The following LARGE1 variants were observed in gnomAD, a reference collection of about 807,000 sequenced individuals.
The protein encoded by LARGE1 is LARGE xylosyl- and glucuronyltransferase 1.
A neutral mutation model predicts 87.6 loss-of-function variants in LARGE1; 43 were observed. The observed-to-expected ratio is 0.49, with a 90% CI of 0.38 to 0.63. The LOEUF (loss-of-function observed/expected upper bound fraction) is 0.63. Ranked by LOEUF, LARGE1 falls within the 30% of genes least tolerant of loss-of-function variation. The pLI is 0.00. For synonymous variants in LARGE1, 434 were observed against 394.6 expected (o/e 1.10, Z -1.18); for missense variants, 802 against 1,000.2 (o/e 0.80, Z 2.67).
At chr22:33,276,840 T>C (rs1405787012) in intron 14 of LARGE1, among the ~76,000 whole-genome samples, 1 of 152,164 alleles carries the variant, frequency 6.6e-6, no homozygotes, top group Non-Finnish European at 1.5e-5. Context: ...GAAACTCACA[T>C]TTACCTGGGT....
chr22:33,098,615 C>T, the LARGE1 span, among the ~76,000 whole-genome samples: 2 of 151,960 alleles, frequency 1.3e-5, no homozygotes, highest in Admixed American at 6.6e-5. Context: ...AGCAAGACTC[C>T]GTCTCAAAAA....
intron 1 of LARGE1, among the ~76,000 whole-genome samples, chr22:33,905,310 C>T (rs1034244349): frequency 6.6e-6 from 1 of 151,900 alleles, no homozygotes; most frequent in East Asian, 1.9e-4. Context: ...CTCAAGCGAT[C>T]CTCCCACCTT....
intron 9 of LARGE1, among the ~76,000 whole-genome samples, chr22:33,367,940 T>TA (rs1382531931): frequency 6.6e-6 from 1 of 152,238 alleles, no homozygotes; most frequent in East Asian, 1.9e-4. Context: ...ATGAGTAATG[T>TA]AAAAGTATGT....
At chr22:33,096,636 C>G in the LARGE1 span, among the ~76,000 whole-genome samples, 1 of 149,822 alleles carries the variant, frequency 6.7e-6, no homozygotes, top group African/African-American at 2.5e-5. Flanking sequence ...GCGATCTCGG[C>G]TCACTGCAAG....
chr22:33,502,775 G>A (rs112814212), intron 6 of LARGE1, among the ~76,000 whole-genome samples: 3,767 of 152,142 alleles, frequency 0.025, 143 homozygotes, highest in African/African-American at 0.085. Context: ...CACCACGTTG[G>A]CCAGGATGGT....
chr22:33,542,162 C>CAAAAAAAA (rs150998193), intron 6 of LARGE1, among the ~76,000 whole-genome samples: 2 of 92,678 alleles, frequency 2.2e-5, no homozygotes, highest in Non-Finnish European at 4.1e-5. Flanking sequence ...AACTCTGTCT[C>CAAAAAAAA]AAAAAAAAAA....
intron 2 of LARGE1, among the ~76,000 whole-genome samples, chr22:33,676,372 CAAAAAAAAAA>C (rs10567981): frequency 6.1e-5 from 1 of 16,304 alleles, no homozygotes; most frequent in Non-Finnish European, 1.4e-4. Flanking sequence ...GATTCAATGG[CAAAAAAAAAA>C]AAAAAAAAAA....
intron 6 of LARGE1, among the ~76,000 whole-genome samples, chr22:33,545,530 C>T (rs964796483): frequency 7.2e-5 from 11 of 152,280 alleles, no homozygotes; most frequent in African/African-American, 2.6e-4. Context: ...CAACCTCCAC[C>T]TCCTGGGTTC....
intron 11 of LARGE1, among the ~76,000 whole-genome samples, chr22:33,182,390 T>TTG (rs1293032089): frequency 1.3e-5 from 2 of 152,160 alleles, no homozygotes; most frequent in Non-Finnish European, 2.9e-5. Context: ...CCCTTTCATA[T>TTG]TGTGTGTGTG....
rs576521900 is a variant in LARGE1 at position 33,594,903 on chromosome 22, C to T, written c.615+9532G>A. On this transcript the variant is annotated intron_variant, in intron 5 of 14. Coordinates refer to ENST00000397394, the MANE Select transcript of LARGE1 (RefSeq NM_133642.5). The stretch of plus-strand genomic sequence containing the variant: ...ATTACAGGCTTGAGCCACCATACCC[C>T]GCTGAAGTTGTTTCTTAACAGAAGT... 7.7e-4 allele frequency among the ~76,000 whole-genome samples: 117 copies of T among 152,244 alleles called. 1 individual carries two copies. Among genetic ancestry groups the T allele is most frequent in the African/African-American group, 2.6e-3 (110 of 41,554 alleles).
intron 7 of LARGE1, among the ~76,000 whole-genome samples, chr22:33,390,563 G>A (rs140726145): frequency 9.9e-5 from 15 of 152,220 alleles, no homozygotes; most frequent in Non-Finnish European, 2.2e-4. Context: ...TGTCACACGT[G>A]TGCTCGGCTG....
chr22:33,106,738 C>T, the LARGE1 span, among the ~76,000 whole-genome samples: 2 of 152,162 alleles, frequency 1.3e-5, no homozygotes. Context: ...TCAGGTGATC[C>T]ACCCACCTCA....
intron 2 of LARGE1, among the ~76,000 whole-genome samples, chr22:33,675,892 C>T (rs1159543821): frequency 6.9e-6 from 1 of 145,368 alleles, no homozygotes; most frequent in African/African-American, 2.9e-5. Context: ...AAATAATTGG[C>T]CCAAGGTCAT....
At chr22:33,296,398 T>A (rs1933261767) in intron 12 of LARGE1, among the ~76,000 whole-genome samples, 1 of 152,122 alleles carries the variant, frequency 6.6e-6, no homozygotes, top group African/African-American at 2.4e-5. Context: ...ATTAAAATAG[T>A]TCCCTGGTGT....
At chr22:33,846,063 C>T (rs987194312) in intron 1 of LARGE1, among the ~76,000 whole-genome samples, 9 of 152,104 alleles carry the variant, frequency 5.9e-5, no homozygotes, top group South Asian at 2.1e-4. Context: ...TTCATGACAG[C>T]GTCTCTGTTT....
At chr22:33,693,171 T>C (rs2082143533) in intron 2 of LARGE1, among the ~76,000 whole-genome samples, 1 of 152,188 alleles carries the variant, frequency 6.6e-6, no homozygotes, top group Admixed American at 6.5e-5. Flanking sequence ...CCACACGTTT[T>C]CACTTACAAG....
At chr22:33,617,890 C>T (rs1003608739) in intron 4 of LARGE1, among the ~76,000 whole-genome samples, 1 of 152,208 alleles carries the variant, frequency 6.6e-6, no homozygotes, top group Non-Finnish European at 1.5e-5. Flanking sequence ...AAATATGGTA[C>T]TACAAAGAGG....
intron 11 of LARGE1, among the ~76,000 whole-genome samples, chr22:33,170,801 G>A (rs932793396): frequency 6.6e-6 from 1 of 152,180 alleles, no homozygotes; most frequent in South Asian, 2.1e-4. Flanking sequence ...ACCATCAGTG[G>A]TACTGCTATA....
intron 1 of LARGE1, among the ~76,000 whole-genome samples, chr22:33,844,292 C>A (rs1362450298): frequency 2.6e-5 from 4 of 152,070 alleles, no homozygotes; most frequent in African/African-American, 9.7e-5. Context: ...GGCTTTCTAG[C>A]CCAGGAAGAG....
Sources: allele counts gnomAD v4.1 joint callset (sites outside exome capture counted in the v4.1 genomes callset), GRCh38; gene constraint gnomAD v4.1.1; transcripts MANE v1.5; gene names NCBI Gene and HGNC (gene_info 2026-07-23, HGNC 2026-07-21).